The following IQCM variants were observed in gnomAD, a reference collection of about 807,000 sequenced individuals.
IQCM encodes IQ motif containing M, also known as IQ domain-containing protein M.
Under a neutral mutation model 57.6 loss-of-function variants are expected in IQCM, and 45 were observed. That is an observed-to-expected ratio of 0.78 (90% CI 0.62 to 1.00). The LOEUF is 1.00. IQCM is among the 50% of genes least tolerant of loss of function. The pLI is 0.00. For missense variants in IQCM, 468 were observed against 511.6 expected, an observed-to-expected ratio of 0.91 and a Z score of 0.82; for synonymous variants, 148 against 158.9, an observed-to-expected ratio of 0.93 and a Z score of 0.51.
At chr4:149,439,551 G>A (rs1735698981) in intron 12 of IQCM, among the ~76,000 whole-genome samples, 1 of 152,018 alleles carries the variant, frequency 6.6e-6, no homozygotes, top group Non-Finnish European at 1.5e-5. Flanking sequence ...TCTTCTAAAA[G>A]CATGTGTGTG....
At chr4:149,405,707 G>A (rs1003704809) in intron 13 of IQCM, among the ~76,000 whole-genome samples, 1 of 151,484 alleles carries the variant, frequency 6.6e-6, no homozygotes, top group African/African-American at 2.4e-5. Context: ...CTGAAATGAT[G>A]TGCAGGACAG....
At chr4:149,779,134 A>C (rs187352434) in intron 2 of IQCM, among the ~76,000 whole-genome samples, 230 of 152,310 alleles carry the variant, frequency 1.5e-3, no homozygotes, top group Admixed American at 4.4e-3. Flanking sequence ...CACCATGATC[A>C]AGTAGAGTTT....
At chr4:149,428,687 T>G (rs1051972586) in intron 13 of IQCM, among the ~76,000 whole-genome samples, 34 of 151,828 alleles carry the variant, frequency 2.2e-4, no homozygotes, top group African/African-American at 8.2e-4. Flanking sequence ...CTAAGATAGA[T>G]TCTAATTTAG....
chr4:149,745,518 C>A (rs1017967784), intron 2 of IQCM, among the ~76,000 whole-genome samples: 1 of 152,168 alleles, frequency 6.6e-6, no homozygotes, highest in African/African-American at 2.4e-5. Context: ...AGTCCTCTCA[C>A]CCTTTCTTTT....
At chr4:149,525,575 G>A (rs1214356145) in intron 12 of IQCM, among the ~76,000 whole-genome samples, 3 of 151,970 alleles carry the variant, frequency 2.0e-5, no homozygotes, top group Non-Finnish European at 4.4e-5. Flanking sequence ...CAAATATCTA[G>A]CTGGAAGAAA....
intron 11 of IQCM, among the ~76,000 whole-genome samples, chr4:149,551,231 G>A (rs1748996791): frequency 6.6e-6 from 1 of 152,148 alleles, no homozygotes; most frequent in Non-Finnish European, 1.5e-5. Flanking sequence ...TGTGCTTGCT[G>A]CTCCCTCTGC....
intron 13 of IQCM, among the ~76,000 whole-genome samples, chr4:149,401,715 C>T: frequency 6.6e-6 from 1 of 151,628 alleles, no homozygotes; most frequent in Admixed American, 6.6e-5. Context: ...AGATATTTTG[C>T]TTACAAAATG....
At chr4:149,382,698 C>G (rs1731161066) in intron 13 of IQCM, among the ~76,000 whole-genome samples, 1 of 151,978 alleles carries the variant, frequency 6.6e-6, no homozygotes, top group Non-Finnish European at 1.5e-5. Context: ...AAGGAAAAAC[C>G]TCCTGCCGAA....
intron 5 of IQCM, among the ~76,000 whole-genome samples, chr4:149,700,526 A>AC (rs1202610188): frequency 6.6e-6 from 1 of 152,014 alleles, no homozygotes; most frequent in African/African-American, 2.4e-5. Context: ...CCTACTGAGC[A>AC]CCTACCTCTA....
intron 5 of IQCM, among the ~76,000 whole-genome samples, chr4:149,695,733 G>A (rs1763286879): frequency 6.6e-6 from 1 of 152,126 alleles, no homozygotes; most frequent in Non-Finnish European, 1.5e-5. Flanking sequence ...GTTCCTGGCA[G>A]AAAACAGAAA....
At chr4:149,444,899 AG>A (rs1409211056) in intron 12 of IQCM, among the ~76,000 whole-genome samples, 1 of 151,964 alleles carries the variant, frequency 6.6e-6, no homozygotes, top group East Asian at 1.9e-4. Context: ...AGAACAAAGA[AG>A]AAAAGATGGT....
At chr4:149,600,776 C>T (rs1754201566) in intron 8 of IQCM, among the ~76,000 whole-genome samples, 1 of 152,098 alleles carries the variant, frequency 6.6e-6, no homozygotes, top group East Asian at 1.9e-4. Flanking sequence ...GATCTGATTC[C>T]TAGAGACTCA....
chr4:149,752,390 A>G (rs1271313493), intron 2 of IQCM, among the ~76,000 whole-genome samples: 1 of 151,926 alleles, frequency 6.6e-6, no homozygotes, highest in African/African-American at 2.4e-5. Context: ...CATCTCTACT[A>G]AAAATACAAA....
chr4:149,696,565 T>C (rs1391336559), intron 5 of IQCM, among the ~76,000 whole-genome samples: 2 of 152,148 alleles, frequency 1.3e-5, no homozygotes, highest in African/African-American at 2.4e-5. Flanking sequence ...CTCCTCAAAA[T>C]TTCAGACTTA....
intron 2 of IQCM, among the ~76,000 whole-genome samples, chr4:149,789,706 G>A (rs1772404563): frequency 6.6e-6 from 1 of 152,040 alleles, no homozygotes; most frequent in South Asian, 2.1e-4. Flanking sequence ...CCAGAAGGCA[G>A]AGGTTGCAAT....
chr4:149,510,523 A>C (rs909390314), intron 12 of IQCM, among the ~76,000 whole-genome samples: 7 of 152,176 alleles, frequency 4.6e-5, no homozygotes, highest in Admixed American at 2.0e-4. Flanking sequence ...GAATACTGAA[A>C]TCCCCTCACC....
intron 2 of IQCM, among the ~76,000 whole-genome samples, chr4:149,776,965 G>C (rs1417578220): frequency 3.9e-5 from 6 of 152,112 alleles, no homozygotes; most frequent in Admixed American, 6.5e-5. Flanking sequence ...CATCCTATCA[G>C]TTCCAGGCAC....
At chr4:149,615,869 T>C (rs1053296916) in intron 8 of IQCM, among the ~76,000 whole-genome samples, 2 of 152,176 alleles carry the variant, frequency 1.3e-5, no homozygotes, top group Non-Finnish European at 2.9e-5. Flanking sequence ...GTTTTCCCAG[T>C]CACCTTTTGT....
chr4:149,664,051 T>C (rs1760467178), intron 7 of IQCM, among the ~76,000 whole-genome samples: 1 of 152,136 alleles, frequency 6.6e-6, no homozygotes, highest in Admixed American at 6.6e-5. Context: ...AGCAAGTTTA[T>C]AAATTTTTCT....
Sources: gnomAD v4.1 joint callset for allele counts (sites outside exome capture counted in the v4.1 genomes callset) on GRCh38, gnomAD v4.1.1 for gene constraint, MANE v1.5 for transcripts, NCBI Gene and HGNC (gene_info 2026-07-23, HGNC 2026-07-21) for gene names.